The following KPNB1 variants were observed in gnomAD, a reference collection of about 807,000 sequenced individuals.
KPNB1 encodes karyopherin subunit beta 1, also known as importin subunit beta-1.
KPNB1 carries 7 observed loss-of-function variants against 113.0 expected under a neutral mutation model. The ratio of observed to expected loss-of-function variants is 0.06; its 90% CI spans 0.04 to 0.12. The LOEUF (loss-of-function observed/expected upper bound fraction) is 0.12, where lower values mean the gene tolerates loss of function less well. Ranked by LOEUF, KPNB1 falls within the 10% of genes least tolerant of loss-of-function variation. KPNB1 has a pLI of 1.00. For synonymous variants in KPNB1, 363 were observed against 378.6 expected (o/e 0.96, Z 0.48); for missense variants, 400 against 1,054.8 (o/e 0.38, Z 8.60).
At chr17:47,650,685 C>T (rs1418469042) in intron 2 of KPNB1, among the ~76,000 whole-genome samples, 1 of 152,172 alleles carries the variant, frequency 6.6e-6, no homozygotes, top group Non-Finnish European at 1.5e-5. Context: ...GCCTGCCGCC[C>T]AATCGTTGCG....
chr17:47,663,484 T>C (rs2030170535), intron 7 of KPNB1, among the ~76,000 whole-genome samples: 1 of 151,890 alleles, frequency 6.6e-6, no homozygotes, highest in African/African-American at 2.4e-5. Flanking sequence ...GCCAATATGG[T>C]GAAACCCCGT....
intron 8 of KPNB1, among the ~76,000 whole-genome samples, chr17:47,664,493 T>C (rs1378501992): frequency 2.6e-5 from 4 of 152,088 alleles, no homozygotes; most frequent in Admixed American, 6.6e-5. Flanking sequence ...TCGTAAATAG[T>C]GGTATTATCA....
intron 5 of KPNB1, among the ~76,000 whole-genome samples, chr17:47,658,864 A>G (rs551199016): frequency 6.6e-6 from 1 of 152,100 alleles, no homozygotes; most frequent in Admixed American, 6.6e-5. Flanking sequence ...TTGGAAATAA[A>G]GTGTTTCTAA....
At chr17:47,669,232 C>T (rs928871259) in intron 10 of KPNB1, among the ~76,000 whole-genome samples, 2 of 152,146 alleles carry the variant, frequency 1.3e-5, no homozygotes, top group Non-Finnish European at 2.9e-5. Context: ...CCTCAGCCCC[C>T]TGAGTAGGTG....
chr17:47,658,540 G>T lies in KPNB1; in HGVS notation c.516G>T (p.Glu172Asp), dbSNP rs1190062239. 7 of 1,613,552 alleles carry T rather than the reference G, an allele frequency of 4.3e-6. No homozygotes were observed. The highest frequency in any genetic ancestry group is 5.9e-6 in the Non-Finnish European group (7 of 1,180,020). Reference sequence around the variant, plus strand: ...AGCAGCTACAAGATAAATCCAATGAGATTCTGACTGCCATAATCCAGGGGA... The same window carrying T: ...AGCAGCTACAAGATAAATCCAATGATATTCTGACTGCCATAATCCAGGGGA... Reference protein sequence around the residue: ...DPEQLQDKSNEILTAIIQGMR... With the variant: ...DPEQLQDKSNDILTAIIQGMR... Residue 172 changes from glutamate to aspartate, a missense_variant, in exon 5 of 22, where the codon GAG becomes GAT. Coordinates refer to ENST00000290158, the MANE Select transcript of KPNB1 (RefSeq NM_002265.6).
At position 47,665,114 on chromosome 17, in the gene KPNB1, C is replaced by G. The variant is rs1477492553; in HGVS notation, c.955C>G (p.Leu319Val). The G allele has an allele frequency of 6.2e-7, 1 of 1,614,026 alleles. No individual in the cohort carries two copies. Among genetic ancestry groups the G allele is most frequent in the African/African-American group, 1.3e-5 (1 of 74,916 alleles). The change falls in exon 9 of 22, where the codon CTA becomes GTA. Residue 319 changes from leucine to valine, a missense_variant. By Grantham distance (32) the Leu-to-Val change is conservative. This residue lies in a region of KPNB1 where 285 missense variants were observed against 627.0 expected (regional missense o/e 0.45). Coordinates refer to ENST00000290158, the MANE Select transcript of KPNB1 (RefSeq NM_002265.6). The stretch of plus-strand genomic sequence containing the variant: ...CAGCAAGTTTTATGCGAAGGGAGCA[C>G]TACAGTATCTGGTTCCAATCCTCAC... ...HTSKFYAKGA[L>V]QYLVPILTQT...
chr17:47,673,299 C>CA, intron 13 of KPNB1, 134 bp downstream of exon 13: 1 of 1,002,664 alleles, frequency 1.0e-6, no homozygotes, highest in Non-Finnish European at 1.5e-6. Context: ...AAAGCTTATA[C>CA]AAAAAACATT....
intron 5 of KPNB1, among the ~76,000 whole-genome samples, chr17:47,660,188 ATACCT>A (rs1454175348): frequency 2.0e-5 from 3 of 152,132 alleles, no homozygotes; most frequent in Non-Finnish European, 4.4e-5. Context: ...CTCTAACGAA[ATACCT>A]TACGTAAGTG....
At position 47,683,672 on chromosome 17, in the gene KPNB1, A is replaced by T. The variant is rs1189622574; in HGVS notation, c.*1268A>T. ...TCTGTTCTTTTATTTGATTGACTAC[A>T]ATGCGGTATTGGTCTCTTGCTGCAC... On this transcript the variant is annotated 3_prime_UTR_variant, in exon 22 of 22. Transcript: ENST00000290158. 2.0e-5 allele frequency: 3 copies of T among 152,488 alleles called. No homozygotes were observed. Among genetic ancestry groups the T allele is most frequent in the Non-Finnish European group, 4.4e-5 (3 of 68,016 alleles). 9.4% of individuals were successfully genotyped at this position (152,488 alleles called of 1,614,324 possible).
chr17:47,664,962 T>TAG lies in KPNB1; in HGVS notation c.898-95_898-94insAG, dbSNP rs1439945423. ...TACCATTTGTCCTTGTATGTTTCTGTTTCTGTTAAGAGATCCCTGTTCGGC... is the reference window on the plus strand; with the variant it reads ...TACCATTTGTCCTTGTATGTTTCTGTAGTTCTGTTAAGAGATCCCTGTTCGGC... On this transcript the variant is annotated intron_variant, in intron 8 of 21. Coordinates refer to ENST00000290158, the MANE Select transcript of KPNB1 (RefSeq NM_002265.6). 5.7e-6 allele frequency: 5 copies of TAG among 874,372 alleles called. No homozygotes were observed. The African/African-American group carries it at 8.4e-5, about 15-fold the overall frequency. 54.2% of individuals were successfully genotyped at this position (874,372 alleles called of 1,614,324 possible). A position where few individuals can be genotyped will look rare whatever the true frequency, so the allele number is the denominator to read the frequency against.
Position 47,661,174 on chromosome 17 carries a change from C to G in KPNB1, c.692C>G (p.Thr231Arg). The G allele has an allele frequency of 6.2e-7, 1 of 1,610,884 alleles. No individual in the cohort carries two copies. The highest frequency in any genetic ancestry group is 8.5e-7 in the Non-Finnish European group (1 of 1,177,094). ...TGTGAAGCCACACAGTGTCCAGATACGAGGGTAAGTGTGAGGTTATATGAA... is the reference window on the plus strand; with the variant it reads ...TGTGAAGCCACACAGTGTCCAGATAGGAGGGTAAGTGTGAGGTTATATGAA... ...VVCEATQCPD[T>R]RVRVAALQNL... The change falls in exon 6 of 22, where the codon ACG becomes AGG. Residue 231 changes from threonine (T) to arginine (R), a missense_variant. Transcript: ENST00000290158.
chr17:47,675,361 G>GTTGTTTTTTTTT (rs1567894260), intron 15 of KPNB1, among the ~76,000 whole-genome samples: 9 of 88,694 alleles, frequency 1.0e-4, no homozygotes, highest in South Asian at 3.7e-4. Flanking sequence ...CAGAGGTGTT[G>GTTGTTTTTTTTT]TTTTTTTTTT....
chr17:47,654,055 T>G (rs1915652610), intron 3 of KPNB1, among the ~76,000 whole-genome samples: 1 of 152,208 alleles, frequency 6.6e-6, no homozygotes, highest in Non-Finnish European at 1.5e-5. Flanking sequence ...GGATAAGATG[T>G]AATTGGAATT....
Position 47,676,486 on chromosome 17 carries a change from T to A in KPNB1, c.1990T>A (p.Tyr664Asn). 1 of 1,608,792 alleles carries A rather than the reference T, an allele frequency of 6.2e-7. No homozygotes were observed. The highest frequency in any genetic ancestry group is 8.5e-7 in the Non-Finnish European group (1 of 1,175,172). ...CATTGGATTAAAAAATTATGCTGAA[T>A]ACCAGGTAGGATGTGCTTTTCAAAA... ...LGIGLKNYAE[Y>N]QVCLAAVGLV... The change falls in exon 16 of 22, where the codon TAC becomes AAC. Residue 664 changes from tyrosine (Y) to asparagine (N), a missense_variant. Tyr to Asn is a moderately radical substitution (Grantham distance 143). Transcript: ENST00000290158.
In KPNB1 at chr17:47,683,116, A is replaced by AAAC. The variant is rs1254637502; in HGVS notation, c.*714_*715insCAA. On this transcript the variant is annotated 3_prime_UTR_variant, in exon 22 of 22. Coordinates refer to ENST00000290158, the MANE Select transcript of KPNB1 (RefSeq NM_002265.6). ...AAAAAAAAAAAAAAAAAAAAAAAAA[A>AAAC]AAACACACACACAGAGGAAAGACGC... 4.7e-5 allele frequency: 7 copies of AAAC among 147,802 alleles called. No homozygotes were observed. Among genetic ancestry groups the AAAC allele is most frequent in the African/African-American group, 1.7e-4 (7 of 40,480 alleles). The allele number at this position is 147,802 out of a possible 1,614,324, so 9.2% of individuals were successfully genotyped here. A position where few individuals can be genotyped will look rare whatever the true frequency, so the allele number is the denominator to read the frequency against.
intron 19 of KPNB1, among the ~76,000 whole-genome samples, chr17:47,679,693 C>CT (rs1219526478): frequency 5.0e-4 from 75 of 148,756 alleles, no homozygotes; most frequent in African/African-American, 1.6e-3. Flanking sequence ...CCTTCTCTCT[C>CT]TTTTTTTTTT....
chr17:47,669,577 T>TAAAA, intron 10 of KPNB1, 101 bp from the exon 11 acceptor site: 1 of 827,462 alleles, frequency 1.2e-6, no homozygotes, highest in Non-Finnish European at 1.9e-6. Context: ...CTTGGTGACT[T>TAAAA]TTTTGAGTTA....
intron 19 of KPNB1, chr17:47,679,758 G>T: frequency 3.5e-6 from 1 of 287,318 alleles, no homozygotes; most frequent in Non-Finnish European, 6.7e-6. Flanking sequence ...GCGCAGTGGC[G>T]CAATCTCGGC....
intron 17 of KPNB1, 39 bp downstream of exon 17, chr17:47,677,166 T>G (rs1251371623): frequency 4.9e-6 from 7 of 1,419,250 alleles, no homozygotes; most frequent in Non-Finnish European, 6.9e-6. Flanking sequence ...CAGTCTTCTT[T>G]GAAGAAAACA....
Sources: allele counts gnomAD v4.1 joint callset (sites outside exome capture counted in the v4.1 genomes callset), GRCh38; gene constraint gnomAD v4.1.1; regional missense constraint gnomAD v4.1.1; transcripts MANE v1.5; gene names NCBI Gene and HGNC (gene_info 2026-07-23, HGNC 2026-07-21).